PPARGC1A: variants seen among roughly 807,000 people sequenced by gnomAD.
PPARGC1A encodes PPARG coactivator 1 alpha.
In PPARGC1A, 25 loss-of-function variants were observed where a neutral mutation model predicts 88.7. The observed-to-expected ratio is 0.28, with a 90% CI of 0.21 to 0.39. PPARGC1A has a LOEUF of 0.39. Ranked by LOEUF, PPARGC1A falls within the 10% of genes least tolerant of loss-of-function variation. The probability of loss-of-function intolerance (pLI) is 1.00; values close to 1 mark genes in which losing one functional copy is unlikely to be tolerated. For synonymous variants in PPARGC1A, 363 were observed against 355.6 expected, an observed-to-expected ratio of 1.02 and a Z score of -0.24; for missense variants, 880 against 968.7, an observed-to-expected ratio of 0.91 and a Z score of 1.22.
the PPARGC1A span, among the ~76,000 whole-genome samples, chr4:24,150,272 G>A: frequency 9.8e-4 from 149 of 152,270 alleles, no homozygotes; most frequent in South Asian, 1.5e-3. Flanking sequence ...CTCACTGTGG[G>A]ATTTGCAATG....
chr4:24,033,761 T>C, the PPARGC1A span, among the ~76,000 whole-genome samples: 1 of 152,240 alleles, frequency 6.6e-6, no homozygotes, highest in Non-Finnish European at 1.5e-5. Context: ...TGTCTCATGC[T>C]GCTAGCCTGT....
the PPARGC1A span, among the ~76,000 whole-genome samples, chr4:24,068,020 A>C: frequency 7.4e-4 from 112 of 152,090 alleles, no homozygotes; most frequent in East Asian, 0.02. Flanking sequence ...GTGTGTGTGC[A>C]TGTGTGTGGT....
chr4:24,103,288 T>A, the PPARGC1A span, among the ~76,000 whole-genome samples: 1 of 152,126 alleles, frequency 6.6e-6, no homozygotes, highest in Non-Finnish European at 1.5e-5. Flanking sequence ...CTCAATCAGC[T>A]CCTCAACAAA....
chr4:24,212,678 A>T, the PPARGC1A span, among the ~76,000 whole-genome samples: 7 of 152,202 alleles, frequency 4.6e-5, no homozygotes, highest in South Asian at 1.5e-3. Flanking sequence ...TTGCATAACA[A>T]ACTAAGCCCC....
At chr4:23,977,600 T>C in the PPARGC1A span, among the ~76,000 whole-genome samples, 5 of 152,186 alleles carry the variant, frequency 3.3e-5, no homozygotes, top group African/African-American at 1.2e-4. Context: ...AGGAGATGGA[T>C]TGATAGGTGC....
the PPARGC1A span, among the ~76,000 whole-genome samples, chr4:24,418,045 A>G: frequency 0.014 from 2,101 of 151,932 alleles, 69 homozygotes; most frequent in East Asian, 0.12. Flanking sequence ...TATTCATTAT[A>G]TGTCATTTTA....
At chr4:23,874,874 A>C (rs1398469446) in intron 2 of PPARGC1A, among the ~76,000 whole-genome samples, 2 of 152,216 alleles carry the variant, frequency 1.3e-5, no homozygotes, top group East Asian at 3.9e-4. Flanking sequence ...GTTCGCTTCC[A>C]CAAGGACAAA....
chr4:24,113,480 A>G, the PPARGC1A span, among the ~76,000 whole-genome samples: 1 of 152,312 alleles, frequency 6.6e-6, no homozygotes, highest in African/African-American at 2.4e-5. Context: ...CCTGAGAGCC[A>G]TAACCCCACT....
the PPARGC1A span, among the ~76,000 whole-genome samples, chr4:24,134,467 T>C: frequency 3.3e-5 from 5 of 152,288 alleles, no homozygotes; most frequent in Non-Finnish European, 7.3e-5. Context: ...CAAGGAAATA[T>C]GTTTGCGTGT....
the PPARGC1A span, among the ~76,000 whole-genome samples, chr4:23,934,764 A>C: frequency 2.0e-5 from 3 of 152,194 alleles, no homozygotes; most frequent in Non-Finnish European, 4.4e-5. Context: ...ATTTATTGAT[A>C]AGGAAACTGA....
At chr4:24,465,790 T>G in the PPARGC1A span, among the ~76,000 whole-genome samples, 1 of 152,166 alleles carries the variant, frequency 6.6e-6, no homozygotes, top group Non-Finnish European at 1.5e-5. Context: ...ATGATGGACA[T>G]AAATGTTAGG....
the PPARGC1A span, among the ~76,000 whole-genome samples, chr4:24,243,998 G>C: frequency 6.6e-6 from 1 of 152,240 alleles, no homozygotes; most frequent in East Asian, 1.9e-4. Flanking sequence ...GCGTGTTGAG[G>C]GTTTCTTTGT....
chr4:23,807,421 T>C (rs550737139), intron 10 of PPARGC1A, among the ~76,000 whole-genome samples: 1 of 152,278 alleles, frequency 6.6e-6, no homozygotes, highest in South Asian at 2.1e-4. Context: ...TATCCCTGCT[T>C]AGTGTCTAAG....
chr4:23,950,455 T>C, the PPARGC1A span, among the ~76,000 whole-genome samples: 1 of 152,142 alleles, frequency 6.6e-6, no homozygotes, highest in East Asian at 1.9e-4. Flanking sequence ...CATCGGTCGA[T>C]GCAAGTAAAA....
the PPARGC1A span, among the ~76,000 whole-genome samples, chr4:24,301,547 T>C: frequency 6.7e-6 from 1 of 148,552 alleles, no homozygotes; most frequent in Non-Finnish European, 1.5e-5. Flanking sequence ...GTTAAGGCCA[T>C]CAGAATATTC....
At chr4:24,418,339 A>C in the PPARGC1A span, among the ~76,000 whole-genome samples, 1 of 152,194 alleles carries the variant, frequency 6.6e-6, no homozygotes, top group Non-Finnish European at 1.5e-5. Flanking sequence ...ATCAAGCGTT[A>C]ACTAGTGTTC....
the PPARGC1A span, among the ~76,000 whole-genome samples, chr4:24,065,234 C>A: frequency 5.9e-5 from 9 of 152,072 alleles, no homozygotes; most frequent in African/African-American, 2.2e-4. Flanking sequence ...CCTGCATCTG[C>A]TCCTCCAAGC....
At chr4:24,400,385 C>T in the PPARGC1A span, among the ~76,000 whole-genome samples, 1 of 152,186 alleles carries the variant, frequency 6.6e-6, no homozygotes, top group Non-Finnish European at 1.5e-5. Flanking sequence ...ACATCTTTCT[C>T]CTGTGCTAGA....
chr4:23,983,746 G>A, the PPARGC1A span, among the ~76,000 whole-genome samples: 1 of 151,960 alleles, frequency 6.6e-6, no homozygotes, highest in African/African-American at 2.4e-5. Context: ...TCCTTCAATG[G>A]CTTTCCAGTG....
Sources: allele counts gnomAD v4.1 joint callset (sites outside exome capture counted in the v4.1 genomes callset), GRCh38; gene constraint gnomAD v4.1.1; transcripts MANE v1.5; gene names NCBI Gene and HGNC (gene_info 2026-07-23, HGNC 2026-07-21).